The following ZNF83 variants were observed in gnomAD, a reference collection of about 807,000 sequenced individuals.
The protein encoded by ZNF83 is zinc finger protein 83.
For missense variants in ZNF83, 552 were observed against 629.9 expected (o/e 0.88, Z 1.32); for synonymous variants, 209 against 213.0 (o/e 0.98, Z 0.17).
chr19:52,689,152 C>T (rs1358307087), intron 1 of ZNF83, among the ~76,000 whole-genome samples: 1 of 152,174 alleles, frequency 6.6e-6, no homozygotes, highest in African/African-American at 2.4e-5. Flanking sequence ...GTATAATTAA[C>T]TGCTTTTGTT....
intron 3 of ZNF83, among the ~76,000 whole-genome samples, chr19:52,647,239 C>T (rs1235464324): frequency 2.0e-5 from 3 of 152,140 alleles, no homozygotes; most frequent in African/African-American, 7.2e-5. Context: ...GAAAACTAAC[C>T]TCTGATGCCA....
At chr19:52,646,741 T>C (rs1262571200) in intron 3 of ZNF83, among the ~76,000 whole-genome samples, 1 of 152,122 alleles carries the variant, frequency 6.6e-6, no homozygotes, top group Non-Finnish European at 1.5e-5. Context: ...AGAAAACAAA[T>C]TCCTTTACTG....
intron 2 of ZNF83, among the ~76,000 whole-genome samples, chr19:52,630,717 C>T (rs1045062451): frequency 6.6e-6 from 1 of 152,030 alleles, no homozygotes; most frequent in Admixed American, 6.6e-5. Flanking sequence ...TGCCCGTTAC[C>T]ATCCCATTAA....
In ZNF83 at chr19:52,664,016, C is replaced by G. The variant is rs189421114; in HGVS notation, c.-282-3173G>C. 7.9e-5 allele frequency among the ~76,000 whole-genome samples: 12 copies of G among 152,252 alleles called. No homozygotes were observed. The East Asian group carries it at 1.9e-3, about 25-fold the overall frequency. On this transcript the variant is annotated intron_variant, in intron 1 of 5. Transcript: ENST00000594682. ...ATTCTCCTGCCTGTCTCCCCAGTAG[C>G]TGGAATTACAGGCAAGCATCACCAT...
At chr19:52,642,524 TCTAA>T (rs2061322049), upstream of ZNF83, among the ~76,000 whole-genome samples, 1 of 152,028 alleles carries the variant, frequency 6.6e-6, no homozygotes, top group African/African-American at 2.4e-5. Flanking sequence ...GCACCCAGCC[TCTAA>T]CTTTTTAAAA....
chr19:52,686,507 A>G (rs1005705261), intron 1 of ZNF83, among the ~76,000 whole-genome samples: 7 of 151,148 alleles, frequency 4.6e-5, no homozygotes, highest in Admixed American at 1.3e-4. Context: ...CAGAAAGAAA[A>G]AAAAAAAGAA....
intron 2 of ZNF83, among the ~76,000 whole-genome samples, chr19:52,620,280 G>C (rs894795626): frequency 1.6e-4 from 24 of 151,356 alleles, no homozygotes; most frequent in African/African-American, 5.1e-4. Flanking sequence ...CTGTGTGTGT[G>C]TGTGTGTGTG....
At chr19:52,639,415 A>ATTTTTTTTTTTTTTTTTTT (rs1160711365), upstream of ZNF83, among the ~76,000 whole-genome samples, 1 of 86,350 alleles carries the variant, frequency 1.2e-5, no homozygotes, top group Non-Finnish European at 2.1e-5. Flanking sequence ...AGTTTTTTCT[A>ATTTTTTTTTTTTTTTTTTT]TTTTTTTTTT....
At chr19:52,624,425 C>T (rs1047660277) in intron 2 of ZNF83, among the ~76,000 whole-genome samples, 1 of 152,196 alleles carries the variant, frequency 6.6e-6, no homozygotes, top group African/African-American at 2.4e-5. Flanking sequence ...CAACTCCTTT[C>T]CTTCCTGGGC....
upstream of ZNF83, among the ~76,000 whole-genome samples, chr19:52,642,479 G>T (rs1010048052): frequency 7.2e-5 from 11 of 151,768 alleles, no homozygotes. Flanking sequence ...TGTCGGTCAG[G>T]CTGGTCTCGA....
chr19:52,623,202 C>T (rs374528771), intron 2 of ZNF83, among the ~76,000 whole-genome samples: 54 of 152,202 alleles, frequency 3.5e-4, no homozygotes, highest in Non-Finnish European at 6.6e-4. Flanking sequence ...CAGATCTGCT[C>T]GGCTTAGCAG....
intron 2 of ZNF83, among the ~76,000 whole-genome samples, chr19:52,628,853 CAT>C (rs1453660207): frequency 6.6e-6 from 1 of 151,688 alleles, no homozygotes; most frequent in Non-Finnish European, 1.5e-5. Flanking sequence ...GCCCCAACCT[CAT>C]ATATCTCTGT....
intron 1 of ZNF83, among the ~76,000 whole-genome samples, chr19:52,680,770 G>T (rs368618392): frequency 3.1e-3 from 433 of 140,514 alleles, no homozygotes; most frequent in Middle Eastern, 3.6e-3. Flanking sequence ...CCGCCACTAC[G>T]CCCGGCTAAT....
At chr19:52,614,664 C>T (rs781391786) in exon 3 of ZNF83, 1 of 1,368,366 alleles carries the variant, frequency 7.3e-7, no homozygotes, top group Non-Finnish European at 9.5e-7. Context: ...GTACATTTTT[C>T]TGGGTTTCTC....
intron 1 of ZNF83, among the ~76,000 whole-genome samples, chr19:52,689,696 T>C (rs566754889): frequency 6.6e-6 from 1 of 152,142 alleles, no homozygotes; most frequent in South Asian, 2.1e-4. Flanking sequence ...TACTTTGCCA[T>C]CTCTTATGGC....
intron 1 of ZNF83, among the ~76,000 whole-genome samples, chr19:52,677,584 C>T (rs1403031258): frequency 6.6e-6 from 1 of 152,022 alleles, no homozygotes; most frequent in Non-Finnish European, 1.5e-5. Flanking sequence ...CTCTGATTTC[C>T]AGTGTCAAAT....
chr19:52,658,608 T>C, intron 2 of ZNF83, among the ~76,000 whole-genome samples: 1 of 152,124 alleles, frequency 6.6e-6, no homozygotes, highest in Non-Finnish European at 1.5e-5. Flanking sequence ...GGGAAAGTTA[T>C]AGGGAATAGT....
chr19:52,648,874 C>T (rs1600226862), intron 3 of ZNF83, among the ~76,000 whole-genome samples: 1 of 152,188 alleles, frequency 6.6e-6, no homozygotes, highest in African/African-American at 2.4e-5. Context: ...CTGTTCTAGT[C>T]ACACACCAGA....
At chr19:52,657,722 T>C (rs2061525009) in intron 2 of ZNF83, among the ~76,000 whole-genome samples, 1 of 151,694 alleles carries the variant, frequency 6.6e-6, no homozygotes, top group Admixed American at 6.6e-5. Flanking sequence ...TGGTGCATGC[T>C]TGTAATCTCA....
Sources: gnomAD v4.1 joint callset for allele counts (sites outside exome capture counted in the v4.1 genomes callset) on GRCh38, gnomAD v4.1.1 for gene constraint, MANE v1.5 for transcripts, NCBI Gene and HGNC (gene_info 2026-07-23, HGNC 2026-07-21) for gene names.